SNTG2: variants seen among roughly 807,000 people sequenced by gnomAD.
SNTG2 encodes syntrophin gamma 2.
SNTG2 carries 74 observed loss-of-function variants against 70.9 expected under a neutral mutation model. The ratio of observed to expected loss-of-function variants is 1.04; its 90% CI spans 0.86 to 1.27. The LOEUF (loss-of-function observed/expected upper bound fraction) is 1.27, where lower values mean the gene tolerates loss of function less well. Among genes scored for constraint, SNTG2 ranks in the 50% most tolerant of loss-of-function variants. The pLI, the probability that SNTG2 is intolerant of heterozygous loss-of-function variation, is 0.00. For missense variants in SNTG2, 717 were observed against 690.7 expected (o/e 1.04, Z -0.43); for synonymous variants, 278 against 273.8 (o/e 1.02, Z -0.15).
chr2:1,217,240 GC>G (rs1374286161), intron 9 of SNTG2, among the ~76,000 whole-genome samples: 1 of 151,800 alleles, frequency 6.6e-6, no homozygotes, highest in Non-Finnish European at 1.5e-5. Context: ...ATTTCCATTT[GC>G]CTCCAACATG....
chr2:981,291 G>A (rs1463532810), intron 1 of SNTG2, among the ~76,000 whole-genome samples: 1 of 152,148 alleles, frequency 6.6e-6, no homozygotes, highest in African/African-American at 2.4e-5. Context: ...TTCCAGGCTG[G>A]GCCCTGTTGA....
chr2:988,755 A>G (rs1003978156), intron 1 of SNTG2, among the ~76,000 whole-genome samples: 1 of 152,116 alleles, frequency 6.6e-6, no homozygotes, highest in African/African-American at 2.4e-5. Context: ...TTTTATATAA[A>G]TGTAAAATCA....
At chr2:955,777 C>T (rs1291277048) in intron 1 of SNTG2, among the ~76,000 whole-genome samples, 3 of 152,196 alleles carry the variant, frequency 2.0e-5, no homozygotes, top group African/African-American at 7.2e-5. Context: ...GCCAGTTGTT[C>T]TGAACAAAAT....
chr2:1,207,450 A>C (rs1320545540), intron 8 of SNTG2, among the ~76,000 whole-genome samples: 2 of 152,106 alleles, frequency 1.3e-5, no homozygotes, highest in East Asian at 3.9e-4. Flanking sequence ...ACATCTGTAG[A>C]TGGCGATGCC....
At chr2:1,040,020 A>G (rs1478129885) in intron 1 of SNTG2, among the ~76,000 whole-genome samples, 5 of 152,158 alleles carry the variant, frequency 3.3e-5, no homozygotes, top group African/African-American at 7.2e-5. Context: ...GGGGTCAGGC[A>G]TTCCTTATTC....
At chr2:1,366,769 C>T (rs928007820) in intron 16 of SNTG2, among the ~76,000 whole-genome samples, 1 of 152,242 alleles carries the variant, frequency 6.6e-6, no homozygotes, top group Non-Finnish European at 1.5e-5. Flanking sequence ...ACACAGCAGG[C>T]GCTGTTCCTC....
At chr2:1,286,608 T>C (rs1279659117) in intron 14 of SNTG2, among the ~76,000 whole-genome samples, 1 of 152,198 alleles carries the variant, frequency 6.6e-6, no homozygotes, top group Non-Finnish European at 1.5e-5. Flanking sequence ...GCAGAAGCAT[T>C]GCATGCAGGA....
At chr2:1,195,673 G>C (rs996056938) in intron 8 of SNTG2, among the ~76,000 whole-genome samples, 4 of 152,156 alleles carry the variant, frequency 2.6e-5, no homozygotes, top group African/African-American at 9.7e-5. Context: ...TCTGTAGGCT[G>C]CCTGTTCACT....
In SNTG2 at chr2:1,151,710, C is replaced by T. The variant is rs189268871; in HGVS notation, c.412-13838C>T. Among the ~76,000 whole-genome samples, 590 of 152,268 alleles carry T rather than the reference C, an allele frequency of 3.9e-3. 3 individuals are homozygous for T. Among genetic ancestry groups the T allele is most frequent in the South Asian group, 0.018 (88 of 4,814 alleles). ...ATTTGCTGCGCGCCCTTTGCCCGTGCGTGCCGTGCTTCTCATCACTTTGTT... is the reference window on the plus strand; with the variant it reads ...ATTTGCTGCGCGCCCTTTGCCCGTGTGTGCCGTGCTTCTCATCACTTTGTT... On this transcript the variant is annotated intron_variant, in intron 6 of 16. Coordinates refer to ENST00000308624, the MANE Select transcript of SNTG2 (RefSeq NM_018968.4).
At chr2:1,355,005 CAG>C (rs1272008624) in intron 16 of SNTG2, among the ~76,000 whole-genome samples, 4 of 152,182 alleles carry the variant, frequency 2.6e-5, no homozygotes, top group South Asian at 2.1e-4. Context: ...ATGTGTGAAA[CAG>C]GGAATGTATC....
rs540715262 is a variant in SNTG2 at position 1,342,358 on chromosome 2, CT to C, written c.1489-24981del. ...CATGCATAGGAAGAGTGGACTGGCA[CT>C]TTTCCCCCTGTTCTGGGCACGCCTG... On this transcript the variant is annotated intron_variant, in intron 16 of 16. Coordinates refer to ENST00000308624, the MANE Select transcript of SNTG2 (RefSeq NM_018968.4). Among the ~76,000 whole-genome samples, 273 of 80,336 alleles carry C rather than the reference CT, an allele frequency of 3.4e-3. 3 individuals carry two copies. Among genetic ancestry groups the C allele is most frequent in the South Asian group, 0.01 (17 of 1,700 alleles). The allele number at this position is 80,336 out of a possible 152,430, so 52.7% of individuals were successfully genotyped here.
chr2:1,358,571 A>G (rs1003336460), intron 16 of SNTG2, among the ~76,000 whole-genome samples: 5 of 152,072 alleles, frequency 3.3e-5, no homozygotes, highest in African/African-American at 1.2e-4. Context: ...TTGTCTCAAG[A>G]TATTTTCTAG....
At chr2:1,233,531 G>A (rs548175344) in intron 9 of SNTG2, among the ~76,000 whole-genome samples, 8 of 152,158 alleles carry the variant, frequency 5.3e-5, no homozygotes, top group African/African-American at 1.4e-4. Flanking sequence ...GGCAGGAGCC[G>A]CAGGGTGCAG....
At chr2:1,263,604 A>T (rs894188187) in intron 13 of SNTG2, among the ~76,000 whole-genome samples, 1 of 152,088 alleles carries the variant, frequency 6.6e-6, no homozygotes, top group Non-Finnish European at 1.5e-5. Context: ...GCTGTTCTGG[A>T]TATTGCCAGA....
At chr2:1,088,006 C>T (rs896859152) in intron 2 of SNTG2, among the ~76,000 whole-genome samples, 1 of 152,214 alleles carries the variant, frequency 6.6e-6, no homozygotes, top group Non-Finnish European at 1.5e-5. Flanking sequence ...CTATATTTCA[C>T]ACCCAAGTTG....
At chr2:1,088,054 C>T (rs114370224) in intron 2 of SNTG2, among the ~76,000 whole-genome samples, 3 of 152,132 alleles carry the variant, frequency 2.0e-5, no homozygotes, top group African/African-American at 4.8e-5. Context: ...GAGTAGACAT[C>T]GCTTCTGCTT....
intron 1 of SNTG2, among the ~76,000 whole-genome samples, chr2:1,031,529 T>TATATATATATATATATATATATATATATA (rs372970926): frequency 2.3e-5 from 1 of 42,662 alleles, no homozygotes; most frequent in African/African-American, 1.1e-4. Context: ...TATATATATA[T>TATATATATATATATATATATATATATATA]TTTTTTTTTT....
chr2:1,025,866 A>ATCATTCAT (rs756975221), intron 1 of SNTG2, among the ~76,000 whole-genome samples: 1 of 152,154 alleles, frequency 6.6e-6, no homozygotes, highest in African/African-American at 2.4e-5. Context: ...CATAGACAGC[A>ATCATTCAT]TCATTCATTC....
At chr2:1,257,711 G>A (rs996765747) in intron 12 of SNTG2, among the ~76,000 whole-genome samples, 8 of 152,062 alleles carry the variant, frequency 5.3e-5, no homozygotes, top group Non-Finnish European at 1.0e-4. Flanking sequence ...CGATGACAGC[G>A]GTGAAAACCT....
Sources: allele counts gnomAD v4.1 joint callset (sites outside exome capture counted in the v4.1 genomes callset), GRCh38; gene constraint gnomAD v4.1.1; transcripts MANE v1.5; gene names NCBI Gene and HGNC (gene_info 2026-07-23, HGNC 2026-07-21).